Variants in OMD observed in about 807,000 individuals in gnomAD.
OMD encodes KSPG osteomodulin.
Under a neutral mutation model 31.2 loss-of-function variants are expected in OMD, and 19 were observed. The ratio of observed to expected loss-of-function variants is 0.61; its 90% CI spans 0.42 to 0.89. The LOEUF (loss-of-function observed/expected upper bound fraction) is 0.89. Among genes scored for constraint, OMD ranks in the 40% least tolerant of loss-of-function variants. The probability of loss-of-function intolerance (pLI) is 0.00; values close to 1 mark genes in which losing one functional copy is unlikely to be tolerated. For synonymous variants in OMD, 155 were observed against 166.4 expected (o/e 0.93, Z 0.53); for missense variants, 448 against 490.8 (o/e 0.91, Z 0.82).
chr9:92,423,736 G>A (rs1048676293), intron 1 of OMD, among the ~76,000 whole-genome samples: 1 of 152,032 alleles, frequency 6.6e-6, no homozygotes, highest in Non-Finnish European at 1.5e-5. Flanking sequence ...TCTATATCAG[G>A]GATTTAGTCA....
intron 2 of OMD, 32 bp from the exon 3 acceptor site, chr9:92,415,509 A>G (rs1297096483): frequency 1.6e-6 from 2 of 1,289,668 alleles, no homozygotes; most frequent in Non-Finnish European, 2.1e-6. Context: ...TTAATCTTGT[A>G]TTATAGTATA....
At chr9:92,422,057 T>C (rs1843818162) in intron 1 of OMD, among the ~76,000 whole-genome samples, 1 of 151,886 alleles carries the variant, frequency 6.6e-6, no homozygotes, top group African/African-American at 2.4e-5. Flanking sequence ...ATATTAACTT[T>C]TTTTTTTTTG....
chr9:92,420,031 A>G (rs1843737740), intron 1 of OMD, among the ~76,000 whole-genome samples: 1 of 152,188 alleles, frequency 6.6e-6, no homozygotes, highest in South Asian at 2.1e-4. Flanking sequence ...GTAGTTATTC[A>G]GGTAGAGTCA....
chr9:92,424,282 C>G lies in OMD; in HGVS notation c.-97G>C, dbSNP rs1194209048. On this transcript the variant is annotated 5_prime_UTR_variant, in exon 1 of 3. Coordinates refer to ENST00000375550, the MANE Select transcript of OMD (RefSeq NM_005014.3). The stretch of plus-strand genomic sequence containing the variant: ...AATCAGAAATTCCTAAATTCTTTAA[C>G]TGAGTCTCTTAAAAATCCACAGTAA... The G allele has an allele frequency of 6.6e-6, 1 of 152,150 alleles. No homozygotes were observed. Among genetic ancestry groups the G allele is most frequent in the Non-Finnish European group, 1.5e-5 (1 of 68,028 alleles). 9.4% of individuals were successfully genotyped at this position (152,150 alleles called of 1,614,324 possible).
Position 92,416,828 on chromosome 9 carries a change from G to C in OMD, c.731C>G (p.Ser244Ter). The change falls in exon 2 of 3, where the codon TCA becomes TGA. Residue 244 changes from serine (S) to a stop codon, truncating the protein, a stop_gained. Coordinates refer to ENST00000375550, the MANE Select transcript of OMD (RefSeq NM_005014.3). LOFTEE classifies it high-confidence loss of function. ...GTATTTTTCGGGTATAGAAGAAATT[G>C]AATTATTTTCTAAAGACAGATACAT... is the stretch of plus-strand genomic sequence containing the variant. ...SLMYLSLENN[S>*]ISSIPEKYFD... is the part of the protein sequence containing the mutation. 1 of 1,613,668 alleles carries C rather than the reference G, an allele frequency of 6.2e-7. No homozygotes were observed. The highest frequency in any genetic ancestry group is 8.5e-7 in the Non-Finnish European group (1 of 1,179,670).
At position 92,416,897 on chromosome 9, in the gene OMD, C is replaced by T. The variant is rs34860658; in HGVS notation, c.662G>A (p.Ser221Asn). Residue 221 changes from serine (S) to asparagine (N), a missense_variant, in exon 2 of 3, where the codon AGT (serine) becomes AAT (asparagine). Ser to Asn is a conservative substitution (Grantham distance 46, BLOSUM62 1). Transcript: ENST00000375550. ...AGGAGGCATTGATTCTAATCTGTTA[C>T]TGCAGAGGTTGAGCTGCATTAGTTT... Reference protein sequence around the residue: ...MEKLMQLNLCSNRLESMPPGL... With the variant: ...MEKLMQLNLCNNRLESMPPGL... The T allele has an allele frequency of 0.042, 67,001 of 1,613,882 alleles. 1,658 individuals carry two copies. Among genetic ancestry groups the T allele is most frequent in the South Asian group, 0.079 (7,159 of 91,080 alleles).
intron 1 of OMD, 73 bp downstream of exon 1, chr9:92,424,129 A>T (rs535618617): frequency 6.6e-6 from 1 of 152,218 alleles, no homozygotes; most frequent in Non-Finnish European, 1.5e-5. Flanking sequence ...AATATTAAAA[A>T]ATCCAATATA....
Position 92,417,232 on chromosome 9 carries a change from A to C in OMD, c.327T>G (p.Asn109Lys). The C allele has an allele frequency of 6.2e-7, 1 of 1,614,044 alleles. No homozygotes were observed. Among genetic ancestry groups the C allele is most frequent in the South Asian group, 1.1e-5 (1 of 91,078 alleles). ...QFNEIEAVTANSFINATHLKE... is the reference protein window; with the variant it reads ...QFNEIEAVTAKSFINATHLKE... ...TAAGATGAGTTGCATTGATGAATGAATTTGCAGTCACAGCCTCAATTTCAT... is the reference window on the plus strand; with the variant it reads ...TAAGATGAGTTGCATTGATGAATGACTTTGCAGTCACAGCCTCAATTTCAT... Residue 109 changes from asparagine to lysine, a missense_variant, in exon 2 of 3, where the codon AAT becomes AAG. Transcript: ENST00000375550.
chr9:92,416,970 A>C lies in OMD; in HGVS notation c.589T>G (p.Tyr197Asp), dbSNP rs761565851. The C allele has an allele frequency of 1.2e-6, 2 of 1,614,000 alleles. No homozygotes were observed. Among genetic ancestry groups the C allele is most frequent in the South Asian group, 2.2e-5 (2 of 91,072 alleles). Reference protein sequence around the residue: ...NLTMLDLCYNYLHDSLLKDKI... With the variant: ...NLTMLDLCYNDLHDSLLKDKI... ...TCTTTTAGCAGAGAATCATGAAGAT[A>C]ATTATAACAGAGATCAAGCATGGTC... Residue 197 changes from tyrosine to aspartate, a missense_variant, in exon 2 of 3, where the codon TAT becomes GAT. By Grantham distance (160) the Tyr-to-Asp change is radical. Coordinates refer to ENST00000375550, the MANE Select transcript of OMD (RefSeq NM_005014.3).
Position 92,413,112 on chromosome 9 carries a change from G to A in OMD, c.*2040C>T, listed in dbSNP as rs538255781. 1.3e-5 allele frequency among the ~76,000 whole-genome samples: 2 copies of A among 149,054 alleles called. No individual in the cohort carries two copies. The highest frequency in any genetic ancestry group is 2.0e-4 in the East Asian group (1 of 5,054). On this transcript the variant is annotated 3_prime_UTR_variant, in exon 3 of 3. Transcript: ENST00000375550. ...CAATTCTCCTGCCTCAGCCTCGCAA[G>A]TAGCCGGGATTACAGGCATGTGCCA... is the stretch of plus-strand genomic sequence containing the variant.
rs903425111 is a variant in OMD at position 92,416,863 on chromosome 9, A to C, written c.696T>G (p.Pro232=). The C allele has an allele frequency of 3.1e-6, 5 of 1,613,872 alleles. No homozygotes were observed. In the African/African-American group the frequency reaches 6.7e-5, roughly 22 times the overall value. ...NRLESMPPGL[P]SSLMYLSLEN... ...CTAAAGACAGATACATAAGTGAAGA[A>C]GGCAAACCAGGAGGCATTGATTCTA... The change falls in exon 2 of 3, where the codon CCT becomes CCG. Residue 232 remains proline (P), a synonymous_variant. Coordinates refer to ENST00000375550, the MANE Select transcript of OMD (RefSeq NM_005014.3).
At position 92,416,639 on chromosome 9, in the gene OMD, A is replaced by T; in HGVS notation, c.920T>A (p.Leu307Gln). Reference sequence around the variant, plus strand: ...CATACTTTCTATTTCATTATTTTGTAGGTATAGGTGTTCCAAATTTCTTGG... The same window carrying T: ...CATACTTTCTATTTCATTATTTTGTTGGTATAGGTGTTCCAAATTTCTTGG... ...YIPRNLEHLY[L>Q]QNNEIEKMNL... The change falls in exon 2 of 3, where the codon CTA becomes CAA. Residue 307 changes from leucine to glutamine, a missense_variant. Transcript: ENST00000375550. 1 of 1,562,134 alleles carries T rather than the reference A, an allele frequency of 6.4e-7. No homozygotes were observed. The highest frequency in any genetic ancestry group is 8.7e-7 in the Non-Finnish European group (1 of 1,152,790).
At chr9:92,418,794 T>C (rs1168177076) in intron 1 of OMD, among the ~76,000 whole-genome samples, 1 of 152,176 alleles carries the variant, frequency 6.6e-6, no homozygotes, top group Non-Finnish European at 1.5e-5. Flanking sequence ...TGTCCAAAAC[T>C]AACAGCACCA....
At chr9:92,420,993 G>C (rs1489954278) in intron 1 of OMD, among the ~76,000 whole-genome samples, 1 of 152,118 alleles carries the variant, frequency 6.6e-6, no homozygotes, top group Non-Finnish European at 1.5e-5. Flanking sequence ...AATGTGGTTG[G>C]TTAACTCTTG....
In OMD at chr9:92,417,061, TCTTTCC is replaced by T; in HGVS notation, c.492_497del (p.Glu165_Arg166del). Reference sequence around the variant, plus strand: ...AGATTTCATTGTAACCAAGAAGGAGTCTTTCCAGAGATTTAGGAAGAGGAAATGGAA... The same window carrying T: ...AGATTTCATTGTAACCAAGAAGGAGTAGAGATTTAGGAAGAGGAAATGGAA... On this transcript the variant is annotated inframe_deletion, in exon 2 of 3. Coordinates refer to ENST00000375550, the MANE Select transcript of OMD (RefSeq NM_005014.3). 6.2e-7 allele frequency: 1 copy of T among 1,613,834 alleles called. No homozygotes were observed. Among genetic ancestry groups the T allele is most frequent in the South Asian group, 1.1e-5 (1 of 91,066 alleles).
rs1488891567 is a variant in OMD, at chr9:92,416,626, T to C, written c.933A>G (p.Glu311=). 8 of 1,530,914 alleles carry C rather than the reference T, an allele frequency of 5.2e-6. No homozygotes were observed. The highest frequency in any genetic ancestry group is 7.1e-6 in the Non-Finnish European group (8 of 1,131,640). 94.8% of individuals were successfully genotyped at this position (1,530,914 alleles called of 1,614,324 possible). The change falls in exon 2 of 3, where the codon GAA becomes GAG. Residue 311 remains glutamate, a synonymous_variant. Transcript: ENST00000375550. ...NLEHLYLQNN[E]IEKMNLTVMC... is the part of the protein sequence containing the mutation. ...CAATAAAAGTCTACATACTTTCTAT[T>C]TCATTATTTTGTAGGTATAGGTGTT...
chr9:92,418,264 G>A (rs1588116365), intron 1 of OMD, among the ~76,000 whole-genome samples: 1 of 150,656 alleles, frequency 6.6e-6, no homozygotes, highest in Non-Finnish European at 1.5e-5. Flanking sequence ...TTTTTGTATT[G>A]TTAGTAGAGA....
rs891832870 is a variant in OMD, at chr9:92,414,828, A to G, written c.*324T>C. Reference sequence around the variant, plus strand: ...ATGCTACTTCCTTCCTCATTTTTAGAAAAATTACTGTTAATAGAAATGATA... The same window carrying G: ...ATGCTACTTCCTTCCTCATTTTTAGGAAAATTACTGTTAATAGAAATGATA... On this transcript the variant is annotated 3_prime_UTR_variant, in exon 3 of 3. Coordinates refer to ENST00000375550, the MANE Select transcript of OMD (RefSeq NM_005014.3). 5 of 244,450 alleles carry G rather than the reference A, an allele frequency of 2.0e-5. No individual in the cohort carries two copies. The highest frequency in any genetic ancestry group is 3.9e-5 in the Non-Finnish European group (5 of 127,016). The allele number at this position is 244,450 out of a possible 1,614,324, so 15.1% of individuals were successfully genotyped here. A position where few individuals can be genotyped will look rare whatever the true frequency, so the allele number is the denominator to read the frequency against.
At chr9:92,420,598 T>G (rs757944330) in intron 1 of OMD, among the ~76,000 whole-genome samples, 9 of 152,194 alleles carry the variant, frequency 5.9e-5, no homozygotes, top group Non-Finnish European at 1.0e-4. Flanking sequence ...CTCTGAAGCC[T>G]CTAATACCTT....
Sources: allele counts gnomAD v4.1 joint callset (sites outside exome capture counted in the v4.1 genomes callset), GRCh38; gene constraint gnomAD v4.1.1; transcripts MANE v1.5; gene names NCBI Gene and HGNC (gene_info 2026-07-23, HGNC 2026-07-21).